Variants in TEX2 observed in about 807,000 individuals in gnomAD.
TEX2 encodes testis-expressed protein 2.
TEX2 carries 53 observed loss-of-function variants against 106.9 expected under a neutral mutation model. The observed-to-expected ratio is 0.50, with a 90% CI of 0.40 to 0.62. TEX2 has a LOEUF of 0.62. Ranked by LOEUF, TEX2 falls within the 20% of genes least tolerant of loss-of-function variation. The pLI is 0.00. For missense variants in TEX2, 1,207 were observed against 1,379.0 expected, an observed-to-expected ratio of 0.88 and a Z score of 1.98; for synonymous variants, 523 against 534.8, an observed-to-expected ratio of 0.98 and a Z score of 0.30.
chr17:64,176,938 A>G (rs2031639474), intron 6 of TEX2, among the ~76,000 whole-genome samples: 1 of 152,192 alleles, frequency 6.6e-6, no homozygotes. Flanking sequence ...CAGAGGATAT[A>G]CCATGTGGCC....
rs2032371816 is a variant in TEX2, at chr17:64,193,638, T to G, written c.2097A>C (p.Glu699Asp). The part of the protein sequence containing the change: ...LFGRTGREKE[E>D]WFRRFILASK... Reference sequence around the variant, plus strand: ...ATGCCAGAATAAATCTCCTAAACCATTCCTCTTTTTCTCGGCCAGTTCTCC... The same window carrying G: ...ATGCCAGAATAAATCTCCTAAACCAGTCCTCTTTTTCTCGGCCAGTTCTCC... Residue 699 changes from glutamate to aspartate, a missense_variant, in exon 4 of 12, where the codon GAA (glutamate) becomes GAC (aspartate). Around this residue, in one of 3 missense-constraint regions of TEX2, gnomAD observed 1,067 missense variants for 1,193.6 expected, o/e 0.89. Coordinates refer to ENST00000584379, the MANE Select transcript of TEX2 (RefSeq NM_001288732.2). The G allele has an allele frequency of 1.3e-6, 2 of 1,549,386 alleles. No individual in the cohort carries two copies. Among genetic ancestry groups the G allele is most frequent in the Non-Finnish European group, 1.7e-6 (2 of 1,145,834 alleles).
At chr17:64,247,932 G>A (rs913552043) in intron 1 of TEX2, among the ~76,000 whole-genome samples, 3 of 152,150 alleles carry the variant, frequency 2.0e-5, no homozygotes, top group African/African-American at 4.8e-5. Context: ...ACACTCTTTT[G>A]AATAGGAGGA....
chr17:64,151,045 TG>T, intron 10 of TEX2, 84 bp from the exon 11 acceptor site: 1 of 1,453,830 alleles, frequency 6.9e-7, no homozygotes, highest in African/African-American at 1.4e-5. Flanking sequence ...CTCATTTACA[TG>T]GGGCTTTATC....
At chr17:64,163,345 G>C (rs1460048003) in intron 7 of TEX2, among the ~76,000 whole-genome samples, 2 of 152,012 alleles carry the variant, frequency 1.3e-5, no homozygotes, top group African/African-American at 4.8e-5. Context: ...TATTGCCCAG[G>C]GTGATTTCAA....
chr17:64,192,249 T>C (rs915397938), intron 4 of TEX2, among the ~76,000 whole-genome samples: 1 of 152,224 alleles, frequency 6.6e-6, no homozygotes, highest in African/African-American at 2.4e-5. Context: ...GTGACCTTAT[T>C]TGGAAACAGA....
At position 64,195,182 on chromosome 17, in the gene TEX2, C is replaced by A; in HGVS notation, c.1645-87G>T. 1 of 1,249,082 alleles carries A rather than the reference C, an allele frequency of 8.0e-7. No homozygotes were observed. Among genetic ancestry groups the A allele is most frequent in the Non-Finnish European group, 1.1e-6 (1 of 871,898 alleles). The allele number at this position is 1,249,082 out of a possible 1,614,324, so 77.4% of individuals were successfully genotyped here. A position where few individuals can be genotyped will look rare whatever the true frequency, so the allele number is the denominator to read the frequency against. On this transcript the variant is annotated intron_variant, in intron 2 of 11. Transcript: ENST00000584379. This position sits in a 1 kb window ranked among gnomAD's most constrained non-coding sequence, Gnocchi z 4.1. ...ATGATGAACACTGTGGTATTTGGGACACTGAAACCAAACTTGATCACGACA... is the reference window on the plus strand; with the variant it reads ...ATGATGAACACTGTGGTATTTGGGAAACTGAAACCAAACTTGATCACGACA...
At chr17:64,181,812 G>A (rs552240227) in intron 5 of TEX2, among the ~76,000 whole-genome samples, 47 of 132,982 alleles carry the variant, frequency 3.5e-4, no homozygotes, top group African/African-American at 1.2e-3. Context: ...CACCATGCCC[G>A]GCTGGTTTTG....
chr17:64,169,160 T>C lies in TEX2; in HGVS notation c.2671+1940A>G, dbSNP rs139928310. On this transcript the variant is annotated intron_variant, in intron 7 of 11. Coordinates refer to ENST00000584379, the MANE Select transcript of TEX2 (RefSeq NM_001288732.2). ...TTCAAGCTATTCTTGTGCCTCAGCC[T>C]ACTGAGTCACTGGGATTACAGGCAC... Among the ~76,000 whole-genome samples, 142 of 152,284 alleles carry C rather than the reference T, an allele frequency of 9.3e-4. 6 individuals carry two copies. In the East Asian group the frequency reaches 0.027, roughly 29 times the overall value.
In TEX2 at chr17:64,210,634, C is replaced by CTTTTTTTTTTTTTTTTTTTTT. The variant is rs58313195; in HGVS notation, c.1644+1919_1644+1939dup. Among the ~76,000 whole-genome samples the CTTTTTTTTTTTTTTTTTTTTT allele has an allele frequency of 2.0e-4, 15 of 74,786 alleles. 1 individual carries two copies. The highest frequency in any genetic ancestry group is 2.7e-4 in the Non-Finnish European group (11 of 41,040). 49.1% of individuals were successfully genotyped at this position (74,786 alleles called of 152,430 possible). ...TAAAAGAATTCTCCCCAACCCCCAG[C>CTTTTTTTTTTTTTTTTTTTTT]TTTTTTTTTTTTTTTTTTTTTTTTT... On this transcript the variant is annotated intron_variant, in intron 2 of 11. Transcript: ENST00000584379.
chr17:64,228,959 CA>C (rs1555634264), intron 1 of TEX2, among the ~76,000 whole-genome samples: 11 of 150,640 alleles, frequency 7.3e-5, no homozygotes, highest in Non-Finnish European at 1.0e-4. Context: ...CACACACACA[CA>C]CACACACACA....
chr17:64,220,586 A>AG (rs1293223460), intron 1 of TEX2, among the ~76,000 whole-genome samples: 7 of 52,540 alleles, frequency 1.3e-4, no homozygotes, highest in South Asian at 6.1e-4. Context: ...TATGCAGCAA[A>AG]AAAAATATGA....
Position 64,213,540 on chromosome 17 carries a change from G to C in TEX2, c.678C>G (p.Ser226=). 1 of 1,614,104 alleles carries C rather than the reference G, an allele frequency of 6.2e-7. No homozygotes were observed. Among genetic ancestry groups the C allele is most frequent in the Non-Finnish European group, 8.5e-7 (1 of 1,179,990 alleles). ...AGGACACTGTATCCGACTCCTGCCG[G>C]GAAGTGTCCGTGGACAGAGACTTGA... ...TLVKSLSTDT[S]RQESDTVSYK... Residue 226 remains serine (S), a synonymous_variant, in exon 2 of 12, where the codon TCC becomes TCG. Coordinates refer to ENST00000584379, the MANE Select transcript of TEX2 (RefSeq NM_001288732.2). This position sits in a 1 kb window ranked among gnomAD's most constrained non-coding sequence, Gnocchi z 4.4.
At chr17:64,223,356 GCT>G (rs2033412624) in intron 1 of TEX2, among the ~76,000 whole-genome samples, 2 of 74,010 alleles carry the variant, frequency 2.7e-5, no homozygotes, top group African/African-American at 3.5e-5. Context: ...ACTGAATCTG[GCT>G]TTTTTTTTTT....
chr17:64,183,711 A>T (rs2031970001), intron 5 of TEX2, among the ~76,000 whole-genome samples: 1 of 152,216 alleles, frequency 6.6e-6, no homozygotes. Flanking sequence ...TATAGGCGTG[A>T]GCCACCGCAC....
At chr17:64,250,159 C>T (rs1555636769) in intron 1 of TEX2, among the ~76,000 whole-genome samples, 1 of 152,182 alleles carries the variant, frequency 6.6e-6, no homozygotes, top group Admixed American at 6.5e-5. Flanking sequence ...ACTGGGGTGG[C>T]CACATCAGAT....
intron 1 of TEX2, chr17:64,242,404 A>G (rs782228840): frequency 3.9e-5 from 6 of 152,202 alleles, no homozygotes; most frequent in Non-Finnish European, 5.9e-5. Flanking sequence ...CTTTTAGGAC[A>G]TGGAAAATCT....
rs1475955089 is a variant in TEX2, at chr17:64,195,020, GTCGA to G, written c.1716_1719del (p.Arg573LeufsTer6). 1 of 1,614,038 alleles carries G rather than the reference GTCGA, an allele frequency of 6.2e-7. No individual in the cohort carries two copies. Among genetic ancestry groups the G allele is most frequent in the Admixed American group, 1.7e-5 (1 of 59,996 alleles). Reference sequence around the variant, plus strand: ...GAAAGTCTTAAGGTTCCACCCTCAAGTCGAACAAAGACTGAATGTGTCAAAGTCG... The same window carrying G: ...GAAAGTCTTAAGGTTCCACCCTCAAGACAAAGACTGAATGTGTCAAAGTCG... On this transcript the variant is annotated frameshift_variant, in exon 3 of 12. Transcript: ENST00000584379. LOFTEE classifies it high-confidence loss of function. The surrounding 1 kb of genome is among the most constrained non-coding windows in gnomAD (Gnocchi z 4.1).
At chr17:64,248,347 C>A (rs530474819) in intron 1 of TEX2, among the ~76,000 whole-genome samples, 4 of 152,092 alleles carry the variant, frequency 2.6e-5, no homozygotes, top group African/African-American at 7.2e-5. Context: ...AGTTAAAATA[C>A]TTGTTTAAGA....
intron 7 of TEX2, among the ~76,000 whole-genome samples, chr17:64,169,319 G>A (rs923761267): frequency 1.3e-5 from 2 of 152,168 alleles, no homozygotes; most frequent in African/African-American, 2.4e-5. Flanking sequence ...GATTACAGGC[G>A]TGAGCCACCG....
Sources: allele counts gnomAD v4.1 joint callset (sites outside exome capture counted in the v4.1 genomes callset), GRCh38; gene constraint gnomAD v4.1.1; regional missense constraint gnomAD v4.1.1; non-coding constraint Gnocchi (gnomAD v3.1); transcripts MANE v1.5; gene names NCBI Gene and HGNC (gene_info 2026-07-23, HGNC 2026-07-21).